The following SLC2A13 variants were observed in gnomAD, a reference collection of about 807,000 sequenced individuals.
SLC2A13 encodes the protein proton myo-inositol cotransporter.
A neutral mutation model predicts 64.4 loss-of-function variants in SLC2A13; 32 were observed. The observed-to-expected ratio is 0.50, with a 90% CI of 0.37 to 0.67. The LOEUF is 0.67. Ranked by LOEUF, SLC2A13 falls within the 30% of genes least tolerant of loss-of-function variation. SLC2A13 has a pLI of 0.00. For missense variants in SLC2A13, 743 were observed against 829.2 expected (o/e 0.90, Z 1.28); for synonymous variants, 338 against 327.1 (o/e 1.03, Z -0.36).
intron 1 of SLC2A13, among the ~76,000 whole-genome samples, chr12:40,057,478 T>G (rs1256266393): frequency 6.6e-6 from 1 of 152,170 alleles, no homozygotes; most frequent in African/African-American, 2.4e-5. Context: ...GAGCAACAAC[T>G]GCAGATATTT....
intron 4 of SLC2A13, among the ~76,000 whole-genome samples, chr12:39,934,781 C>T (rs1275859508): frequency 1.3e-5 from 2 of 152,120 alleles, no homozygotes; most frequent in African/African-American, 4.8e-5. Context: ...ATAGGAGAAC[C>T]TTATATGTAG....
chr12:39,948,014 CTTT>C (rs1055446095), intron 4 of SLC2A13, among the ~76,000 whole-genome samples: 1 of 152,110 alleles, frequency 6.6e-6, no homozygotes, highest in Non-Finnish European at 1.5e-5. Flanking sequence ...CACTCCTCTT[CTTT>C]ATTTTGACAC....
At chr12:39,821,156 G>A (rs958919231) in intron 7 of SLC2A13, among the ~76,000 whole-genome samples, 10 of 152,108 alleles carry the variant, frequency 6.6e-5, no homozygotes, top group Non-Finnish European at 1.3e-4. Flanking sequence ...GCTCACGCCT[G>A]TAATCCCAGC....
In SLC2A13 at chr12:40,105,031, G is replaced by A. The variant is rs534646161; in HGVS notation, c.556+222C>T. Among the ~76,000 whole-genome samples, 4 of 152,278 alleles carry A rather than the reference G, an allele frequency of 2.6e-5. No individual in the cohort carries two copies. ...ATCAAAGATTCCACGTGCGCTCGAGGGAGACTAGAGTGACACCCCCTCCCC... is the reference window on the plus strand; with the variant it reads ...ATCAAAGATTCCACGTGCGCTCGAGAGAGACTAGAGTGACACCCCCTCCCC... On this transcript the variant is annotated intron_variant, in intron 1 of 9. Coordinates refer to ENST00000280871, the MANE Select transcript of SLC2A13 (RefSeq NM_052885.4). The surrounding 1 kb of genome is among the most constrained non-coding windows in gnomAD (Gnocchi z 4.2).
intron 4 of SLC2A13, among the ~76,000 whole-genome samples, chr12:39,923,175 A>G (rs1365910428): frequency 6.6e-6 from 1 of 152,210 alleles, no homozygotes; most frequent in Admixed American, 6.6e-5. Context: ...AGAAGAATTG[A>G]AAACAGTGAT....
At chr12:40,007,904 T>C (rs758437233) in intron 3 of SLC2A13, among the ~76,000 whole-genome samples, 4 of 152,116 alleles carry the variant, frequency 2.6e-5, no homozygotes, top group Non-Finnish European at 5.9e-5. Flanking sequence ...ATTCCATACA[T>C]GGAAAAACGC....
At chr12:40,017,579 A>T (rs1947640350) in intron 3 of SLC2A13, among the ~76,000 whole-genome samples, 2 of 152,164 alleles carry the variant, frequency 1.3e-5, no homozygotes, top group Non-Finnish European at 2.9e-5. Flanking sequence ...GGGAGCTAAG[A>T]TTTCTGTTGG....
chr12:39,810,415 T>C (rs982515269), intron 7 of SLC2A13, among the ~76,000 whole-genome samples: 2 of 152,204 alleles, frequency 1.3e-5, no homozygotes, highest in Non-Finnish European at 2.9e-5. Context: ...CTCATAGCAT[T>C]TTATAAAAAT....
At chr12:39,802,994 G>C (rs1454286615) in intron 7 of SLC2A13, among the ~76,000 whole-genome samples, 1 of 152,246 alleles carries the variant, frequency 6.6e-6, no homozygotes, top group Middle Eastern at 3.4e-3. Context: ...CTCACTAGAG[G>C]TATCTTCCAT....
chr12:40,007,630 AG>A (rs1239375829), intron 3 of SLC2A13, among the ~76,000 whole-genome samples: 1 of 152,218 alleles, frequency 6.6e-6, no homozygotes. Context: ...TGTTCTAATA[AG>A]ATAAGCTTTG....
At chr12:39,817,806 G>A (rs932723827) in intron 7 of SLC2A13, among the ~76,000 whole-genome samples, 4 of 152,004 alleles carry the variant, frequency 2.6e-5, no homozygotes, top group Non-Finnish European at 5.9e-5. Context: ...AGTATACCCG[G>A]GGCAATTCTG....
At chr12:39,910,997 T>C (rs181089711) in intron 4 of SLC2A13, among the ~76,000 whole-genome samples, 71 of 152,166 alleles carry the variant, frequency 4.7e-4, no homozygotes, top group Non-Finnish European at 7.2e-4. Flanking sequence ...GGCAAGAGAA[T>C]CGCTGGAACC....
chr12:39,806,813 AT>A (rs1266842602), intron 7 of SLC2A13, among the ~76,000 whole-genome samples: 1 of 152,212 alleles, frequency 6.6e-6, no homozygotes, highest in Non-Finnish European at 1.5e-5. Flanking sequence ...AGGAGTTAAA[AT>A]TGGAAACAAC....
chr12:39,859,750 C>G (rs1209526875), intron 6 of SLC2A13, among the ~76,000 whole-genome samples: 1 of 152,070 alleles, frequency 6.6e-6, no homozygotes, highest in East Asian at 1.9e-4. Flanking sequence ...TGGTCTCAAA[C>G]TGCTGACCTT....
rs184976892 is a variant in SLC2A13 at position 40,086,298 on chromosome 12, T to A, written c.556+18955A>T. Among the ~76,000 whole-genome samples, 9 of 152,220 alleles carry A rather than the reference T, an allele frequency of 5.9e-5. No individual in the cohort carries two copies. The East Asian group carries it at 1.5e-3, about 26-fold the overall frequency. On this transcript the variant is annotated intron_variant, in intron 1 of 9. Transcript: ENST00000280871. ...TAATCCCACTACTCCCCACCTGATATCACCTCTCTGAATAACCGGTTAATC... is the reference window on the plus strand; with the variant it reads ...TAATCCCACTACTCCCCACCTGATAACACCTCTCTGAATAACCGGTTAATC...
chr12:40,098,243 G>T (rs928997143), intron 1 of SLC2A13, among the ~76,000 whole-genome samples: 3 of 152,008 alleles, frequency 2.0e-5, no homozygotes, highest in African/African-American at 7.2e-5. Context: ...AGCCAACAAA[G>T]GACAAATACT....
chr12:39,763,701 T>A (rs558391576), intron 9 of SLC2A13, among the ~76,000 whole-genome samples: 6 of 152,264 alleles, frequency 3.9e-5, no homozygotes, highest in African/African-American at 7.2e-5. Flanking sequence ...CATGGACTTA[T>A]GAGGATATTA....
At chr12:39,895,735 TAC>T (rs1212714513) in intron 4 of SLC2A13, among the ~76,000 whole-genome samples, 1 of 99,974 alleles carries the variant, frequency 1.0e-5, no homozygotes, top group African/African-American at 3.6e-5. Flanking sequence ...CGTGTATACG[TAC>T]ACACATGTAT....
chr12:39,818,999 C>A (rs1942415589), intron 7 of SLC2A13, among the ~76,000 whole-genome samples: 1 of 152,080 alleles, frequency 6.6e-6, no homozygotes, highest in African/African-American at 2.4e-5. Flanking sequence ...GTTAAACGAA[C>A]GAAGATGTTT....
Sources: allele counts gnomAD v4.1 joint callset (sites outside exome capture counted in the v4.1 genomes callset), GRCh38; gene constraint gnomAD v4.1.1; non-coding constraint Gnocchi (gnomAD v3.1); transcripts MANE v1.5; gene names NCBI Gene and HGNC (gene_info 2026-07-23, HGNC 2026-07-21).